SPHKAP: variants seen among roughly 807,000 people sequenced by gnomAD.
SPHKAP encodes A-kinase anchor protein SPHKAP.
A neutral mutation model predicts 137.5 loss-of-function variants in SPHKAP; 67 were observed. The ratio of observed to expected loss-of-function variants is 0.49; its 90% CI spans 0.40 to 0.60. SPHKAP has a LOEUF of 0.60. Among genes scored for constraint, SPHKAP ranks in the 20% least tolerant of loss-of-function variants. SPHKAP has a pLI of 0.00. For synonymous variants in SPHKAP, 813 were observed against 785.3 expected, an observed-to-expected ratio of 1.04 and a Z score of -0.59; for missense variants, 2,097 against 2,069.3, an observed-to-expected ratio of 1.01 and a Z score of -0.26.
At position 228,075,061 on chromosome 2, in the gene SPHKAP, T is replaced by TTCC. The variant is rs1574826320; in HGVS notation, c.246+33770_246+33771insGGA. ...ATTTTGGTTCTGAAAGGGCAGAGGG[T>TTCC]ATGTTTAGCTTAGTCACCATGGTAG... On this transcript the variant is annotated intron_variant, in intron 3 of 11. Transcript: ENST00000392056. 4.6e-5 allele frequency among the ~76,000 whole-genome samples: 7 copies of TTCC among 152,202 alleles called. No individual in the cohort carries two copies. The East Asian group carries it at 1.3e-3, about 29-fold the overall frequency.
chr2:228,119,990 T>G (rs1418614090), intron 2 of SPHKAP, among the ~76,000 whole-genome samples: 2 of 152,152 alleles, frequency 1.3e-5, no homozygotes, highest in Non-Finnish European at 2.9e-5. Context: ...CCTAAGAAAA[T>G]TTAGAAATTT....
At chr2:227,988,095 ACCTGGCTAATT>A (rs1693281078) in intron 11 of SPHKAP, among the ~76,000 whole-genome samples, 1 of 152,178 alleles carries the variant, frequency 6.6e-6, no homozygotes, top group African/African-American at 2.4e-5. Flanking sequence ...CCATTTAACT[ACCTGGCTAATT>A]CAATAACATC....
chr2:228,044,370 A>G (rs1335606680), intron 3 of SPHKAP, among the ~76,000 whole-genome samples: 1 of 152,206 alleles, frequency 6.6e-6, no homozygotes, highest in Non-Finnish European at 1.5e-5. Context: ...AATTATCCAG[A>G]TTGAATATCT....
intron 3 of SPHKAP, among the ~76,000 whole-genome samples, chr2:228,051,938 C>T (rs898112273): frequency 6.6e-6 from 1 of 151,446 alleles, no homozygotes; most frequent in Non-Finnish European, 1.5e-5. Context: ...TAATCAACCC[C>T]CAAACGCCCC....
chr2:228,055,141 C>CAAAAAA, intron 3 of SPHKAP, among the ~76,000 whole-genome samples: 1 of 111,912 alleles, frequency 8.9e-6, no homozygotes, highest in South Asian at 3.3e-4. Flanking sequence ...AAACTCCACT[C>CAAAAAA]CAAAAAAAAA....
At chr2:228,088,306 C>T (rs544034992) in intron 3 of SPHKAP, among the ~76,000 whole-genome samples, 25 of 152,038 alleles carry the variant, frequency 1.6e-4, no homozygotes, top group Non-Finnish European at 2.6e-4. Flanking sequence ...TGAGAAGTAA[C>T]ATTTCTATCT....
At chr2:228,176,753 C>T (rs942821157) in intron 1 of SPHKAP, among the ~76,000 whole-genome samples, 2 of 152,180 alleles carry the variant, frequency 1.3e-5, no homozygotes, top group Non-Finnish European at 2.9e-5. Flanking sequence ...TGCCTGTAAT[C>T]CCAGCTACTT....
chr2:228,017,797 G>A lies in SPHKAP; in HGVS notation c.3057C>T (p.Asn1019=), dbSNP rs372166313. The stretch of plus-strand genomic sequence containing the variant: ...GGTTCATGGACTCATCCACAACCCT[G>A]TTCATCAGCTTTTCTTTAAGCTCAG... ...EHPELKEKLM[N]RVVDESMNLE... is the part of the protein sequence containing the mutation. The change falls in exon 7 of 12, where the codon AAC becomes AAT. Residue 1019 remains asparagine, a synonymous_variant. Transcript: ENST00000392056. 6.2e-7 allele frequency: 1 copy of A among 1,613,982 alleles called. No homozygotes were observed. Among genetic ancestry groups the A allele is most frequent in the Non-Finnish European group, 8.5e-7 (1 of 1,180,030 alleles).
At chr2:228,027,233 A>AT (rs1443772911) in intron 4 of SPHKAP, among the ~76,000 whole-genome samples, 4 of 152,198 alleles carry the variant, frequency 2.6e-5, no homozygotes, top group African/African-American at 4.8e-5. Flanking sequence ...ACAAATAGTC[A>AT]TTTTAAGGCA....
At chr2:228,129,416 T>C (rs1181718706) in intron 2 of SPHKAP, among the ~76,000 whole-genome samples, 1 of 152,234 alleles carries the variant, frequency 6.6e-6, no homozygotes, top group Non-Finnish European at 1.5e-5. Flanking sequence ...GATATGACTT[T>C]TTACAAGAGA....
intron 1 of SPHKAP, among the ~76,000 whole-genome samples, chr2:228,171,652 T>C (rs187286132): frequency 3.9e-4 from 59 of 152,252 alleles, no homozygotes; most frequent in Non-Finnish European, 7.9e-4. Context: ...AACTTCCTGG[T>C]GTACTGGGTA....
intron 3 of SPHKAP, among the ~76,000 whole-genome samples, chr2:228,041,345 G>A (rs567581648): frequency 2.6e-5 from 4 of 152,088 alleles, no homozygotes; most frequent in Non-Finnish European, 5.9e-5. Context: ...CCAAGTATTT[G>A]TTCAGAAGAC....
chr2:228,170,845 C>T (rs1700564213), intron 1 of SPHKAP, among the ~76,000 whole-genome samples: 1 of 151,948 alleles, frequency 6.6e-6, no homozygotes, highest in Admixed American at 6.6e-5. Flanking sequence ...CATCTTGTTT[C>T]TCTAGGAATT....
At chr2:228,154,896 A>C (rs1700063834) in intron 1 of SPHKAP, among the ~76,000 whole-genome samples, 1 of 151,668 alleles carries the variant, frequency 6.6e-6, no homozygotes, top group African/African-American at 2.4e-5. Flanking sequence ...CCCATTCAAA[A>C]GGGTTATTAT....
At chr2:228,092,184 T>TACATGCATAC (rs1452130801) in intron 3 of SPHKAP, among the ~76,000 whole-genome samples, 1 of 142,230 alleles carries the variant, frequency 7.0e-6, no homozygotes, top group Non-Finnish European at 1.5e-5. Context: ...CACATGTGTG[T>TACATGCATAC]ACATGCATAC....
chr2:228,015,629 A>G (rs186477417), intron 7 of SPHKAP, among the ~76,000 whole-genome samples: 3 of 152,206 alleles, frequency 2.0e-5, no homozygotes, highest in African/African-American at 7.2e-5. Context: ...CCTTGCGTCA[A>G]ATTCAAAATG....
At chr2:228,156,306 A>G (rs1210611273) in intron 1 of SPHKAP, among the ~76,000 whole-genome samples, 1 of 152,164 alleles carries the variant, frequency 6.6e-6, no homozygotes, top group Non-Finnish European at 1.5e-5. Context: ...AATGAAGTTT[A>G]TTGCTTTAAG....
chr2:228,074,054 G>A (rs1014741436), intron 3 of SPHKAP, among the ~76,000 whole-genome samples: 8 of 152,136 alleles, frequency 5.3e-5, no homozygotes, highest in Non-Finnish European at 1.0e-4. Flanking sequence ...CACCATATAG[G>A]TGGATAAGGA....
intron 11 of SPHKAP, among the ~76,000 whole-genome samples, chr2:227,984,429 C>T (rs1232306761): frequency 6.6e-6 from 1 of 152,062 alleles, no homozygotes; most frequent in East Asian, 1.9e-4. Flanking sequence ...AGACTACAAA[C>T]CCTTTAGGTT....
Sources: gnomAD v4.1 joint callset for allele counts (sites outside exome capture counted in the v4.1 genomes callset) on GRCh38, gnomAD v4.1.1 for gene constraint, MANE v1.5 for transcripts, NCBI Gene and HGNC (gene_info 2026-07-23, HGNC 2026-07-21) for gene names.